GNRH1: variants seen among roughly 807,000 people sequenced by gnomAD.
The protein encoded by GNRH1 is gonadotropin releasing hormone 1.
GNRH1 carries 9 observed loss-of-function variants against 13.6 expected under a neutral mutation model. The ratio of observed to expected loss-of-function variants is 0.66; its 90% CI spans 0.40 to 1.15. GNRH1 has a LOEUF of 1.15. Ranked by LOEUF, GNRH1 falls within the 50% of genes most tolerant of loss-of-function variation. The pLI is 0.01. For synonymous variants in GNRH1, 44 were observed against 40.1 expected, an observed-to-expected ratio of 1.10 and a Z score of -0.37; for missense variants, 116 against 110.8, an observed-to-expected ratio of 1.05 and a Z score of -0.21.
At chr8:25,421,485 T>C in intron 3 of GNRH1, 88 bp downstream of exon 3, 1 of 709,214 alleles carries the variant, frequency 1.4e-6, no homozygotes, top group South Asian at 1.6e-5. Context: ...CCACAGTATC[T>C]GGGAGGTAGC....
upstream of GNRH1, chr8:25,424,435 G>A (rs1337904955): frequency 6.6e-6 from 1 of 151,240 alleles, no homozygotes; most frequent in Non-Finnish European, 1.5e-5. Flanking sequence ...ACACCCCCTG[G>A]TATATCTGTT....
chr8:25,423,532 G>C (rs1461661766), intron 1 of GNRH1: 3 of 604,688 alleles, frequency 5.0e-6, no homozygotes, highest in Middle Eastern at 4.4e-4. Flanking sequence ...GGGACAAAAT[G>C]AGTACTTAAG....
chr8:25,421,213 G>A (rs935193828), intron 3 of GNRH1, among the ~76,000 whole-genome samples: 18 of 152,166 alleles, frequency 1.2e-4, no homozygotes, highest in African/African-American at 4.3e-4. Flanking sequence ...GAGTAGCCTG[G>A]AGTGGAGTAG....
chr8:25,421,137 A>G (rs778914071), intron 3 of GNRH1, among the ~76,000 whole-genome samples: 1 of 152,146 alleles, frequency 6.6e-6, no homozygotes, highest in Non-Finnish European at 1.5e-5. Context: ...TCATGTCTCT[A>G]TTCCCCAAGG....
intron 2 of GNRH1, 50 bp from the exon 3 acceptor site, chr8:25,421,718 G>A: frequency 1.0e-6 from 1 of 977,674 alleles, no homozygotes; most frequent in Non-Finnish European, 1.6e-6. Flanking sequence ...GAAATGAAAT[G>A]GTGTTTTCCA....
intron 2 of GNRH1, among the ~76,000 whole-genome samples, chr8:25,422,853 G>GT (rs1262529024): frequency 6.6e-6 from 1 of 152,062 alleles, no homozygotes; most frequent in Non-Finnish European, 1.5e-5. Flanking sequence ...AAGTTCTAAC[G>GT]TTTTTTCCAA....
intron 3 of GNRH1, among the ~76,000 whole-genome samples, chr8:25,420,067 T>C (rs575476252): frequency 6.6e-6 from 1 of 152,314 alleles, no homozygotes; most frequent in East Asian, 1.9e-4. Context: ...TAATGTCATG[T>C]TTGACAAATT....
chr8:25,423,463 C>T (rs1801802840), intron 1 of GNRH1, 132 bp from the exon 2 acceptor site: 12 of 772,258 alleles, frequency 1.6e-5, no homozygotes, highest in South Asian at 1.4e-4. Flanking sequence ...TCAGTTTTTA[C>T]ATACAGACAC....
intron 2 of GNRH1, among the ~76,000 whole-genome samples, chr8:25,421,941 C>T (rs1801779251): frequency 6.6e-6 from 1 of 151,942 alleles, no homozygotes; most frequent in South Asian, 2.1e-4. Context: ...CTTTGAGCCT[C>T]ATGAGAGTCA....
At position 25,419,411 on chromosome 8, in the gene GNRH1, C is replaced by T; in HGVS notation, c.*8G>A. 2.1e-6 allele frequency: 3 copies of T among 1,435,614 alleles called. No homozygotes were observed. The highest frequency in any genetic ancestry group is 2.9e-6 in the Non-Finnish European group (3 of 1,017,214). 88.9% of individuals were successfully genotyped at this position (1,435,614 alleles called of 1,614,324 possible). On this transcript the variant is annotated 3_prime_UTR_variant, in exon 4 of 4. Transcript: ENST00000421054. ...TTAGTAATGGTCATTCCTTCTGGCCCAATGGATTTAAATCTTCTTCTGCCC... is the reference window on the plus strand; with the variant it reads ...TTAGTAATGGTCATTCCTTCTGGCCTAATGGATTTAAATCTTCTTCTGCCC...
chr8:25,422,749 A>T (rs1016078581), intron 2 of GNRH1, among the ~76,000 whole-genome samples: 1 of 152,220 alleles, frequency 6.6e-6, no homozygotes, highest in African/African-American at 2.4e-5. Context: ...TAGGGCATGC[A>T]TCCTTGATAA....
Position 25,423,325 on chromosome 8 carries a change from C to T in GNRH1, c.6G>A (p.Lys2=). Residue 2 remains lysine, a synonymous_variant, in exon 2 of 4, where the codon AAG becomes AAA. Transcript: ENST00000421054. M[K]PIQKLLAGLI... is the part of the protein sequence containing the mutation. ...GGCCAGCTAGGAGTTTTTGAATTGG[C>T]TTCATTCTAAGGCACATGAATGCAC... is the stretch of plus-strand genomic sequence containing the variant. 6.2e-7 allele frequency: 1 copy of T among 1,612,926 alleles called. No individual in the cohort carries two copies. Among genetic ancestry groups the T allele is most frequent in the South Asian group, 1.1e-5 (1 of 91,056 alleles).
At chr8:25,419,535 C>A (rs1801745744) in intron 3 of GNRH1, 75 bp from the exon 4 acceptor site, 1 of 820,774 alleles carries the variant, frequency 1.2e-6, no homozygotes, top group Non-Finnish European at 2.2e-6. Flanking sequence ...ATTTTAATTT[C>A]TAAAATATCA....
chr8:25,420,937 C>G (rs1801762026), intron 3 of GNRH1, among the ~76,000 whole-genome samples: 2 of 152,090 alleles, frequency 1.3e-5, no homozygotes, highest in Non-Finnish European at 2.9e-5. Context: ...ATTCAATTCT[C>G]TTTATACTTT....
chr8:25,420,060 T>C (rs1254953129), intron 3 of GNRH1, among the ~76,000 whole-genome samples: 1 of 152,244 alleles, frequency 6.6e-6, no homozygotes. Context: ...TTCTTCATAA[T>C]GTCATGTTTG....
At chr8:25,419,509 T>C in intron 3 of GNRH1, 49 bp from the exon 4 acceptor site, 1 of 912,838 alleles carries the variant, frequency 1.1e-6, no homozygotes, top group South Asian at 1.3e-5. Flanking sequence ...CCAGCTGAAT[T>C]TCATTACATT....
chr8:25,421,219 A>C (rs1005993551), intron 3 of GNRH1, among the ~76,000 whole-genome samples: 6 of 152,168 alleles, frequency 3.9e-5, no homozygotes, highest in African/African-American at 1.4e-4. Context: ...CCTGGAGTGG[A>C]GTAGTCTAGG....
intron 2 of GNRH1, among the ~76,000 whole-genome samples, chr8:25,422,830 G>GA (rs964407617): frequency 1.5e-4 from 23 of 149,196 alleles, no homozygotes; most frequent in South Asian, 2.1e-4. Context: ...ATGAAATGAG[G>GA]AAAAAAAAAA....
chr8:25,421,372 CAAAA>C (rs1489041743), intron 3 of GNRH1, among the ~76,000 whole-genome samples, 197 bp downstream of exon 3: 1 of 151,912 alleles, frequency 6.6e-6, no homozygotes, highest in African/African-American at 2.4e-5. Flanking sequence ...AACAAACAAA[CAAAA>C]AAACGTTTCA....
Sources: allele counts gnomAD v4.1 joint callset (sites outside exome capture counted in the v4.1 genomes callset), GRCh38; gene constraint gnomAD v4.1.1; transcripts MANE v1.5; gene names NCBI Gene and HGNC (gene_info 2026-07-23, HGNC 2026-07-21).